Variants in C14orf39 observed in about 807,000 individuals in gnomAD.
C14orf39 encodes chromosome 14 open reading frame 39.
A neutral mutation model predicts 85.6 loss-of-function variants in C14orf39; 66 were observed. The ratio of observed to expected loss-of-function variants is 0.77; its 90% confidence interval spans 0.63 to 0.95. The LOEUF (loss-of-function observed/expected upper bound fraction) is 0.95, where lower values mean the gene tolerates loss of function less well. C14orf39 is among the 40% of genes least tolerant of loss of function. The probability of loss-of-function intolerance (pLI) is 0.00; values close to 1 mark genes in which losing one functional copy is unlikely to be tolerated. For synonymous variants in C14orf39, 242 were observed against 214.0 expected, an observed-to-expected ratio of 1.13 and a Z score of -1.14; for missense variants, 735 against 663.9, an observed-to-expected ratio of 1.11 and a Z score of -1.18.
At chr14:60,463,162 G>C (rs1449226683) in intron 11 of C14orf39, among the ~76,000 whole-genome samples, 1 of 152,048 alleles carries the variant, frequency 6.6e-6, no homozygotes, top group Non-Finnish European at 1.5e-5. Context: ...AGGCACTTCA[G>C]TGGTTTAATT....
chr14:60,511,129 G>C (rs756162271), intron 1 of C14orf39: 4 of 1,612,842 alleles, frequency 2.5e-6, no homozygotes, highest in East Asian at 2.2e-5. Context: ...GGGCACTACG[G>C]GCGGAGGGCG....
At chr14:60,479,133 T>C (rs1276409883) in intron 4 of C14orf39, among the ~76,000 whole-genome samples, 1 of 152,108 alleles carries the variant, frequency 6.6e-6, no homozygotes, top group Non-Finnish European at 1.5e-5. Context: ...ATATTCTCAA[T>C]ATTGAATAAT....
intron 16 of C14orf39, among the ~76,000 whole-genome samples, chr14:60,445,998 C>T (rs534317209): frequency 5.3e-5 from 8 of 152,006 alleles, no homozygotes; most frequent in African/African-American, 7.2e-5. Flanking sequence ...GAAATAAAGA[C>T]GTTCTTTGAA....
At chr14:60,473,796 G>C (rs1291989347) in intron 5 of C14orf39, among the ~76,000 whole-genome samples, 1 of 152,136 alleles carries the variant, frequency 6.6e-6, no homozygotes, top group Non-Finnish European at 1.5e-5. Context: ...TGTTGTTTTG[G>C]TTGCTGTAGC....
At chr14:60,448,064 A>G (rs1361680780) in intron 16 of C14orf39, among the ~76,000 whole-genome samples, 5 of 152,230 alleles carry the variant, frequency 3.3e-5, no homozygotes, top group Non-Finnish European at 5.9e-5. Context: ...AAAGACTTAA[A>G]TGTAAGACCT....
intron 1 of C14orf39, among the ~76,000 whole-genome samples, chr14:60,485,622 G>A (rs1892849143): frequency 6.6e-6 from 1 of 152,190 alleles, no homozygotes; most frequent in Admixed American, 6.5e-5. Context: ...TACGGCATAC[G>A]CCTGAGGCGG....
chr14:60,494,014 A>C (rs780867746), intron 2 of C14orf39: 1 of 201,738 alleles, frequency 5.0e-6, no homozygotes, highest in Non-Finnish European at 1.0e-5. Context: ...GAAAAGAGGG[A>C]CACTGGAAGG....
At chr14:60,480,339 T>C (rs1892577991) in intron 4 of C14orf39, among the ~76,000 whole-genome samples, 2 of 152,076 alleles carry the variant, frequency 1.3e-5, no homozygotes, top group Admixed American at 6.5e-5. Flanking sequence ...GGAGAATCAC[T>C]TGAACCCAGG....
At chr14:60,463,726 A>T (rs1361418140) in intron 11 of C14orf39, among the ~76,000 whole-genome samples, 3 of 152,144 alleles carry the variant, frequency 2.0e-5, no homozygotes, top group Non-Finnish European at 2.9e-5. Context: ...TTTTTAAATC[A>T]TGGTAAGTGA....
At chr14:60,473,412 G>C (rs189168004) in intron 5 of C14orf39, among the ~76,000 whole-genome samples, 21 of 152,276 alleles carry the variant, frequency 1.4e-4, no homozygotes, top group Non-Finnish European at 2.9e-4. Context: ...ACTTTAATTA[G>C]ATCCCAATTG....
chr14:60,466,555 A>T (rs534413091), intron 10 of C14orf39, among the ~76,000 whole-genome samples: 1 of 152,076 alleles, frequency 6.6e-6, no homozygotes, highest in East Asian at 1.9e-4. Flanking sequence ...TATCTCAGTG[A>T]CTAAGTTATA....
At chr14:60,508,767 T>C (rs1185529398) in intron 1 of C14orf39, among the ~76,000 whole-genome samples, 1 of 152,240 alleles carries the variant, frequency 6.6e-6, no homozygotes, top group Non-Finnish European at 1.5e-5. Flanking sequence ...AGCATTTCAG[T>C]TTGGCCCAGT....
chr14:60,500,739 G>T (rs1893132966), intron 1 of C14orf39, among the ~76,000 whole-genome samples: 1 of 152,128 alleles, frequency 6.6e-6, no homozygotes, highest in African/African-American at 2.4e-5. Context: ...CGTCCATAAG[G>T]ATATGCACCT....
chr14:60,507,077 C>T (rs1893213278), intron 1 of C14orf39, among the ~76,000 whole-genome samples: 2 of 152,122 alleles, frequency 1.3e-5, no homozygotes, highest in African/African-American at 2.4e-5. Context: ...GGTCGGCTCT[C>T]GGCTCGGCTC....
At position 60,436,300 on chromosome 14, in the gene C14orf39, A is replaced by G. The variant is rs1890246605; in HGVS notation, c.*545T>C. The stretch of plus-strand genomic sequence containing the variant: ...GCATAACTCATAAAATTAGAATTGT[A>G]CCATGTGTTATATTAGAAGAAAATA... On this transcript the variant is annotated 3_prime_UTR_variant, in exon 18 of 18. Coordinates refer to ENST00000321731, the MANE Select transcript of C14orf39 (RefSeq NM_174978.3). The G allele has an allele frequency of 1.3e-5, 2 of 152,210 alleles. No individual in the cohort carries two copies. Among genetic ancestry groups the G allele is most frequent in the African/African-American group, 4.8e-5 (2 of 41,458 alleles). 9.4% of individuals were successfully genotyped at this position (152,210 alleles called of 1,614,324 possible).
chr14:60,470,099 A>G (rs1242409056), intron 7 of C14orf39, among the ~76,000 whole-genome samples: 1 of 151,802 alleles, frequency 6.6e-6, no homozygotes, highest in Non-Finnish European at 1.5e-5. Flanking sequence ...TATGCTGGAG[A>G]AAAACAAAAT....
chr14:60,509,513 G>A (rs1213434250), intron 1 of C14orf39: 2 of 1,605,814 alleles, frequency 1.2e-6, no homozygotes, highest in Admixed American at 1.7e-5. Context: ...GTCGCTGCCC[G>A]TGGCCCCTGC....
chr14:60,454,961 C>A (rs758887421), intron 16 of C14orf39, 40 bp downstream of exon 16: 15 of 1,431,520 alleles, frequency 1.0e-5, no homozygotes, highest in African/African-American at 3.0e-5. Context: ...AGTTTCACAG[C>A]AGAATTTTTA....
intron 1 of C14orf39, chr14:60,511,013 G>A: frequency 6.7e-7 from 1 of 1,496,054 alleles, no homozygotes; most frequent in East Asian, 2.4e-5. Context: ...GAGGGACGCA[G>A]GAGGTGGTGG....
Sources: gnomAD v4.1 joint callset for allele counts (sites outside exome capture counted in the v4.1 genomes callset) on GRCh38, gnomAD v4.1.1 for gene constraint, MANE v1.5 for transcripts, NCBI Gene and HGNC (gene_info 2026-07-23, HGNC 2026-07-21) for gene names.